Variants in CACNA1E observed in about 807,000 individuals in gnomAD.
CACNA1E encodes the protein voltage-dependent R-type calcium channel subunit alpha-1E.
A neutral mutation model predicts 259.2 loss-of-function variants in CACNA1E; 40 were observed. The ratio of observed to expected loss-of-function variants is 0.15; its 90% CI spans 0.12 to 0.20. CACNA1E has a LOEUF of 0.20. CACNA1E is among the 10% of genes least tolerant of loss of function. The pLI, the probability that CACNA1E is intolerant of heterozygous loss-of-function variation, is 1.00. For synonymous variants in CACNA1E, 1,104 were observed against 1,138.5 expected (o/e 0.97, Z 0.61); for missense variants, 1,874 against 3,040.1 (o/e 0.62, Z 9.02).
intron 3 of CACNA1E, among the ~76,000 whole-genome samples, chr1:181,552,533 G>T (rs973281505): frequency 6.8e-6 from 1 of 147,050 alleles, no homozygotes; most frequent in Non-Finnish European, 1.5e-5. Context: ...CCATTCCATT[G>T]TATGGATGTG....
chr1:181,742,077 G>A (rs1656629960), intron 25 of CACNA1E, among the ~76,000 whole-genome samples: 1 of 152,170 alleles, frequency 6.6e-6, no homozygotes, highest in Non-Finnish European at 1.5e-5. Context: ...CATGGAGCAG[G>A]TTCCCACTCC....
intron 2 of CACNA1E, among the ~76,000 whole-genome samples, chr1:181,430,793 A>C (rs944075578): frequency 6.6e-6 from 1 of 152,182 alleles, no homozygotes; most frequent in Admixed American, 6.5e-5. Flanking sequence ...CCTCAACTGG[A>C]TCATAACTTA....
chr1:181,426,531 CAACCCCTTAACAACAG>C (rs1659224816), intron 2 of CACNA1E, among the ~76,000 whole-genome samples: 2 of 149,888 alleles, frequency 1.3e-5, no homozygotes, highest in Admixed American at 6.6e-5. Context: ...CTTCACAACT[CAACCCCTTAACAACAG>C]AACCCCTTCC....
chr1:181,376,652 G>A (rs543349077), intron 1 of CACNA1E, among the ~76,000 whole-genome samples: 33 of 152,268 alleles, frequency 2.2e-4, no homozygotes, highest in South Asian at 1.2e-3. Flanking sequence ...GGTTGGCGGG[G>A]ATGGGAACTG....
intron 2 of CACNA1E, among the ~76,000 whole-genome samples, chr1:181,445,602 TA>T (rs1421131813): frequency 6.6e-6 from 1 of 152,214 alleles, no homozygotes; most frequent in African/African-American, 2.4e-5. Context: ...CTGTAATTGG[TA>T]TTACACCAGG....
At chr1:181,632,733 C>T (rs1656860709) in intron 6 of CACNA1E, among the ~76,000 whole-genome samples, 1 of 148,240 alleles carries the variant, frequency 6.7e-6, no homozygotes, top group Admixed American at 6.7e-5. Flanking sequence ...GAAATTTGTA[C>T]CCCCTGGACC....
intron 3 of CACNA1E, among the ~76,000 whole-genome samples, chr1:181,527,104 C>G (rs1332172292): frequency 1.3e-5 from 2 of 152,202 alleles, no homozygotes; most frequent in Non-Finnish European, 2.9e-5. Context: ...ATTTCTTAGT[C>G]CATTTGGACA....
intron 6 of CACNA1E, among the ~76,000 whole-genome samples, chr1:181,607,222 G>T (rs747866324): frequency 2.2e-4 from 33 of 152,212 alleles, no homozygotes; most frequent in Non-Finnish European, 4.4e-4. Flanking sequence ...GTGGAGCAGG[G>T]TGGGATGTTC....
intron 6 of CACNA1E, 42 bp downstream of exon 6, chr1:181,580,818 C>T (rs2102981239): frequency 1.9e-6 from 3 of 1,583,654 alleles, no homozygotes; most frequent in East Asian, 2.2e-5. Flanking sequence ...GAGGGAAGAA[C>T]CCTGGATGGA....
intron 1 of CACNA1E, among the ~76,000 whole-genome samples, chr1:181,322,174 C>T (rs1650407275): frequency 6.6e-6 from 1 of 152,124 alleles, no homozygotes; most frequent in Admixed American, 6.5e-5. Context: ...AGATGAGATG[C>T]TGGCATATAT....
rs962044730 is a variant in CACNA1E at position 181,485,688 on chromosome 1, G to T, written c.266+1678G>T. Among the ~76,000 whole-genome samples the T allele has an allele frequency of 9.2e-5, 14 of 152,236 alleles. No individual in the cohort carries two copies. Among genetic ancestry groups the T allele is most frequent in the Non-Finnish European group, 1.6e-4 (11 of 68,038 alleles). The stretch of plus-strand genomic sequence containing the variant: ...GCGGACAGATCTCATTGTGTTGTGT[G>T]CTGCGGCTGCAAATATTCCTCTAGG... On this transcript the variant is annotated intron_variant, in intron 1 of 47. Coordinates refer to ENST00000367573, the MANE Select transcript of CACNA1E (RefSeq NM_001205293.3). The surrounding 1 kb of genome is among the most constrained non-coding windows in gnomAD (Gnocchi z 4.2).
At chr1:181,321,975 C>A (rs537314157) in intron 1 of CACNA1E, among the ~76,000 whole-genome samples, 1 of 152,198 alleles carries the variant, frequency 6.6e-6, no homozygotes, top group East Asian at 1.9e-4. Context: ...GGCAGAACCA[C>A]GCCTTTTCTC....
At chr1:181,578,258 C>T (rs1421118406) in intron 4 of CACNA1E, among the ~76,000 whole-genome samples, 1 of 152,038 alleles carries the variant, frequency 6.6e-6, no homozygotes, top group Non-Finnish European at 1.5e-5. Flanking sequence ...TTTTCCTAAC[C>T]TTAAAAATTC....
At chr1:181,751,977 C>T (rs540626280) in intron 26 of CACNA1E, 166 bp from the exon 27 acceptor site, 13 of 701,708 alleles carry the variant, frequency 1.9e-5, no homozygotes, top group East Asian at 1.6e-4. Context: ...AAGCATTTTT[C>T]GCAGGATGTC....
chr1:181,536,547 GTTCTTTGA>G (rs1319127681), intron 3 of CACNA1E, among the ~76,000 whole-genome samples: 1 of 152,134 alleles, frequency 6.6e-6, no homozygotes, highest in Non-Finnish European at 1.5e-5. Flanking sequence ...TTGAGTATAA[GTTCTTTGA>G]TTGTTGAGTT....
At chr1:181,794,681 A>G (rs749384457) in intron 45 of CACNA1E, among the ~76,000 whole-genome samples, 183 bp from the exon 46 acceptor site, 66 of 152,248 alleles carry the variant, frequency 4.3e-4, no homozygotes, top group Non-Finnish European at 8.1e-4. Flanking sequence ...ACATAATGTA[A>G]GGATGCTTTC....
intron 1 of CACNA1E, among the ~76,000 whole-genome samples, chr1:181,377,664 T>C (rs961286636): frequency 6.6e-6 from 1 of 152,240 alleles, no homozygotes; most frequent in African/African-American, 2.4e-5. Context: ...ACTTAAATAA[T>C]GTTTACTGTG....
intron 3 of CACNA1E, 54 bp from the exon 4 acceptor site, chr1:181,577,712 C>G: frequency 8.1e-6 from 10 of 1,240,266 alleles, no homozygotes; most frequent in Non-Finnish European, 1.2e-5. Flanking sequence ...CTGCATGGAA[C>G]AAGAGGGGAA....
rs765700833 is a variant in CACNA1E at position 181,736,350 on chromosome 1, A to G, written c.3338A>G (p.Lys1113Arg). The stretch of plus-strand genomic sequence containing the variant: ...AGAGAGGATGAGGAGGAGGTGGAGA[A>G]GAAGAAGCAGAAGAAGGAGAAGCGT... The part of the protein sequence containing the change: ...EIREDEEEVE[K>R]KKQKKEKRET... Residue 1113 changes from lysine to arginine, a missense_variant, in exon 22 of 48, where the codon AAG (lysine) becomes AGG (arginine). Transcript: ENST00000367573. The G allele has an allele frequency of 4.3e-6, 7 of 1,609,760 alleles. No individual in the cohort carries two copies. Among genetic ancestry groups the G allele is most frequent in the Non-Finnish European group, 5.9e-6 (7 of 1,177,944 alleles).
Sources: gnomAD v4.1 joint callset for allele counts (sites outside exome capture counted in the v4.1 genomes callset) on GRCh38, gnomAD v4.1.1 for gene constraint, Gnocchi (gnomAD v3.1) non-coding constraint, MANE v1.5 for transcripts, NCBI Gene and HGNC (gene_info 2026-07-23, HGNC 2026-07-21) for gene names.